The following GYG1 variants were observed in gnomAD, a reference collection of about 807,000 sequenced individuals.
The protein encoded by GYG1 is glycogenin 1, also known as glycogenin-1.
Under a neutral mutation model 41.9 loss-of-function variants are expected in GYG1, and 44 were observed. The observed-to-expected ratio is 1.05, with a 90% CI of 0.83 to 1.35. The LOEUF is 1.35. Ranked by LOEUF, GYG1 falls within the 40% of genes most tolerant of loss-of-function variation. GYG1 has a pLI of 0.00. For missense variants in GYG1, 429 were observed against 418.9 expected (o/e 1.02, Z -0.21); for synonymous variants, 141 against 158.1 (o/e 0.89, Z 0.81).
chr3:149,025,532 A>G (rs1369130383), intron 6 of GYG1, among the ~76,000 whole-genome samples: 1 of 152,210 alleles, frequency 6.6e-6, no homozygotes, highest in Non-Finnish European at 1.5e-5. Flanking sequence ...TAAATGCTTA[A>G]TGAAAGTTAG....
chr3:149,005,145 TTTATTA>T (rs1279545198), intron 4 of GYG1, among the ~76,000 whole-genome samples: 1 of 152,208 alleles, frequency 6.6e-6, no homozygotes, highest in East Asian at 1.9e-4. Context: ...TGTGTAGAGT[TTTATTA>T]TTAATATCCT....
At chr3:149,004,811 G>T (rs1713301069) in intron 4 of GYG1, among the ~76,000 whole-genome samples, 1 of 152,296 alleles carries the variant, frequency 6.6e-6, no homozygotes, top group South Asian at 2.1e-4. Flanking sequence ...TTCCTTGCTT[G>T]TTTTCTGTAC....
At chr3:149,026,614 CTTTT>C (rs1334281701) in intron 7 of GYG1, 112 bp downstream of exon 7, 68 of 1,015,330 alleles carry the variant, frequency 6.7e-5, no homozygotes, top group Non-Finnish European at 1.0e-4. Context: ...ATTTTTGTGT[CTTTT>C]TTGTTTGTTT....
intron 4 of GYG1, 23 bp downstream of exon 4, chr3:148,996,927 T>C: frequency 6.3e-7 from 1 of 1,576,590 alleles, no homozygotes; most frequent in Non-Finnish European, 8.7e-7. Context: ...TATCTTCATG[T>C]CTGATAAGCT....
In GYG1 at chr3:149,004,734, G is replaced by A. The variant is rs138930616; in HGVS notation, c.482-4542G>A. On this transcript the variant is annotated intron_variant, in intron 4 of 7. Coordinates refer to ENST00000345003, the MANE Select transcript of GYG1 (RefSeq NM_004130.4). ...CCTCTGGAGCCAAGGTTCTTGTTGA[G>A]TGTTTCAGGATTTGCCAATTTAACA... Among the ~76,000 whole-genome samples, 717 of 152,324 alleles carry A rather than the reference G, an allele frequency of 4.7e-3. 4 individuals carry two copies. The highest frequency in any genetic ancestry group is 0.016 in the African/African-American group (673 of 41,566).
intron 5 of GYG1, among the ~76,000 whole-genome samples, chr3:149,010,783 C>T (rs544940898): frequency 2.0e-5 from 3 of 152,286 alleles, no homozygotes; most frequent in South Asian, 2.1e-4. Flanking sequence ...GCTGTCAGGT[C>T]GATCCTGAGA....
intron 5 of GYG1, 24 bp downstream of exon 5, chr3:149,009,426 T>A: frequency 6.2e-7 from 1 of 1,611,932 alleles, no homozygotes; most frequent in South Asian, 1.1e-5. Context: ...GTTTAACTAT[T>A]GTTGGAGATG....
intron 5 of GYG1, among the ~76,000 whole-genome samples, chr3:149,018,071 A>G (rs116359374): frequency 9.6e-4 from 146 of 152,168 alleles, no homozygotes; most frequent in Middle Eastern, 3.4e-3. Flanking sequence ...TTCTCCTTTT[A>G]CTTATGACGT....
intron 5 of GYG1, among the ~76,000 whole-genome samples, chr3:149,022,879 C>A (rs1341151450): frequency 6.6e-6 from 1 of 152,128 alleles, no homozygotes; most frequent in East Asian, 1.9e-4. Flanking sequence ...AAAAATTCAT[C>A]TTTTTGCTGC....
intron 2 of GYG1, 79 bp from the exon 3 acceptor site, chr3:148,996,223 A>G: frequency 2.1e-6 from 2 of 964,076 alleles, no homozygotes; most frequent in Non-Finnish European, 3.4e-6. Flanking sequence ...AGAAGGTAAT[A>G]AAGCATCAGT....
chr3:149,026,652 C>A, intron 7 of GYG1, 108 bp from the exon 8 acceptor site: 1 of 1,027,640 alleles, frequency 9.7e-7, no homozygotes, highest in Non-Finnish European at 1.5e-6. Flanking sequence ...TCAGTTTTTG[C>A]TACTTTGCAT....
intron 4 of GYG1, among the ~76,000 whole-genome samples, chr3:149,004,826 C>T (rs1045557410): frequency 2.6e-5 from 4 of 152,160 alleles, no homozygotes; most frequent in African/African-American, 7.2e-5. Context: ...CTGTACACCC[C>T]GTGCTTCCCA....
At position 149,009,320 on chromosome 3, in the gene GYG1, A is replaced by G. The variant is rs773989137; in HGVS notation, c.526A>G (p.Thr176Ala). ...ILNTFFSSWA[T>A]TDIRKHLPFI... ...GAACACATTTTTTAGCAGCTGGGCA[A>G]CAACAGATATCAGAAAACACCTGCC... The change falls in exon 5 of 8, where the codon ACA becomes GCA. Residue 176 changes from threonine to alanine, a missense_variant. Physicochemically the swap from Thr to Ala is moderately conservative, Grantham distance 58. Transcript: ENST00000345003. 5 of 1,613,386 alleles carry G rather than the reference A, an allele frequency of 3.1e-6. No individual in the cohort carries two copies. The highest frequency in any genetic ancestry group is 1.6e-4 in the Middle Eastern group (1 of 6,062).
At chr3:149,023,667 A>G (rs148266149) in intron 5 of GYG1, among the ~76,000 whole-genome samples, 15 of 152,330 alleles carry the variant, frequency 9.8e-5, no homozygotes, top group African/African-American at 2.9e-4. Context: ...CTGTCTCACA[A>G]TGTCACAGTG....
chr3:149,014,405 G>A (rs1024336547), intron 5 of GYG1, among the ~76,000 whole-genome samples: 2 of 152,120 alleles, frequency 1.3e-5, no homozygotes, highest in African/African-American at 4.8e-5. Flanking sequence ...AGATCGCATG[G>A]GCAGAAGTCT....
At chr3:148,999,776 G>A (rs773748469) in intron 4 of GYG1, among the ~76,000 whole-genome samples, 6 of 152,198 alleles carry the variant, frequency 3.9e-5, no homozygotes, top group African/African-American at 1.4e-4. Context: ...GTGTTGTGCT[G>A]TAGGCACTGA....
At chr3:149,007,657 A>G (rs756450360) in intron 4 of GYG1, among the ~76,000 whole-genome samples, 1 of 152,244 alleles carries the variant, frequency 6.6e-6, no homozygotes, top group Non-Finnish European at 1.5e-5. Flanking sequence ...AAAATTGAAT[A>G]GTAACGACAG....
intron 4 of GYG1, among the ~76,000 whole-genome samples, chr3:149,003,312 C>G (rs927181438): frequency 2.6e-5 from 4 of 151,920 alleles, no homozygotes; most frequent in Non-Finnish European, 4.4e-5. Flanking sequence ...AATGGGGTTT[C>G]ACCATGTTGG....
chr3:149,005,436 G>C (rs1398038856), intron 4 of GYG1, among the ~76,000 whole-genome samples: 1 of 152,164 alleles, frequency 6.6e-6, no homozygotes, highest in Non-Finnish European at 1.5e-5. Flanking sequence ...CACAATGTAT[G>C]TAGCTGTATA....
Sources: gnomAD v4.1 joint callset for allele counts (sites outside exome capture counted in the v4.1 genomes callset) on GRCh38, gnomAD v4.1.1 for gene constraint, MANE v1.5 for transcripts, NCBI Gene and HGNC (gene_info 2026-07-23, HGNC 2026-07-21) for gene names.